PTPRC: variants seen among roughly 807,000 people sequenced by gnomAD.
PTPRC encodes the protein receptor-type tyrosine-protein phosphatase C.
Under a neutral mutation model 155.9 loss-of-function variants are expected in PTPRC, and 44 were observed. That is an observed-to-expected ratio of 0.28 (90% CI 0.22 to 0.36). PTPRC has a LOEUF of 0.36. Among genes scored for constraint, PTPRC ranks in the 10% least tolerant of loss-of-function variants. The pLI is 1.00. For missense variants in PTPRC, 1,401 were observed against 1,564.6 expected (o/e 0.90, Z 1.76); for synonymous variants, 525 against 533.1 (o/e 0.98, Z 0.21).
intron 2 of PTPRC, among the ~76,000 whole-genome samples, chr1:198,678,564 T>A (rs1363053845): frequency 6.6e-6 from 1 of 152,096 alleles, no homozygotes; most frequent in Non-Finnish European, 1.5e-5. Flanking sequence ...CAGGATTGCT[T>A]TTTAAAGGCA....
At chr1:198,734,497 A>AT in intron 22 of PTPRC, 72 bp downstream of exon 22, 3 of 1,253,274 alleles carry the variant, frequency 2.4e-6, no homozygotes, top group Non-Finnish European at 3.5e-6. Context: ...CATTTTGAAA[A>AT]GCCACATGTA....
At chr1:198,695,010 C>T (rs928797689) in intron 3 of PTPRC, 1 of 955,628 alleles carries the variant, frequency 1.0e-6, no homozygotes, top group Non-Finnish European at 1.2e-6. Context: ...TAGAAAATAA[C>T]ACACATAACA....
At chr1:198,723,663 A>G (rs1653996576) in intron 15 of PTPRC, among the ~76,000 whole-genome samples, 2 of 152,190 alleles carry the variant, frequency 1.3e-5, no homozygotes, top group Admixed American at 1.3e-4. Flanking sequence ...CTCACATCTT[A>G]ATAGGCCAGA....
rs537314817 is a variant in PTPRC, at chr1:198,726,536, G to T, written c.1721-1804G>T. ...GGATAATTTAATCTATTTGCCCTAT[G>T]AGTCAAAGAAATGACAGAGCCTGAA... On this transcript the variant is annotated intron_variant, in intron 15 of 32. Coordinates refer to ENST00000442510, the MANE Select transcript of PTPRC (RefSeq NM_002838.5). Among the ~76,000 whole-genome samples the T allele has an allele frequency of 4.6e-5, 7 of 152,218 alleles. No individual in the cohort carries two copies. In the East Asian group the frequency reaches 1.2e-3, roughly 25 times the overall value.
intron 2 of PTPRC, among the ~76,000 whole-genome samples, chr1:198,680,220 G>A (rs1340090340): frequency 6.6e-6 from 1 of 152,216 alleles, no homozygotes; most frequent in African/African-American, 2.4e-5. Context: ...TTGGGAGGCC[G>A]AGGCAGGCGG....
At chr1:198,749,640 G>T (rs1337310630) in intron 28 of PTPRC, 91 bp downstream of exon 28, 1 of 1,280,516 alleles carries the variant, frequency 7.8e-7, no homozygotes, top group Non-Finnish European at 1.1e-6. Flanking sequence ...TTTTATAAAA[G>T]AATAATGAGC....
rs79291023 is a variant in PTPRC at position 198,708,866 on chromosome 1, C to T, written c.1033+605C>T. 7.1e-3 allele frequency among the ~76,000 whole-genome samples: 1,075 copies of T among 152,298 alleles called. 13 individuals carry two copies. Among genetic ancestry groups the T allele is most frequent in the African/African-American group, 0.019 (783 of 41,564 alleles). On this transcript the variant is annotated intron_variant, in intron 10 of 32. Transcript: ENST00000442510. The stretch of plus-strand genomic sequence containing the variant: ...ACTCTCCCACCCTTTGACTTAAAGC[C>T]ATCTGCCAGGCCATAGCTGGCATGA...
At position 198,742,243 on chromosome 1, in the gene PTPRC, G is replaced by T; in HGVS notation, c.2573G>T (p.Gly858Val). 1 of 1,612,094 alleles carries T rather than the reference G, an allele frequency of 6.2e-7. No individual in the cohort carries two copies. The highest frequency in any genetic ancestry group is 8.5e-7 in the Non-Finnish European group (1 of 1,178,810). ...PIVVHCSAGV[G>V]RTGTYIGIDA... ...GCTTGGTTTGCCAGTGCTGGTGTTG[G>T]GCGCACAGGAACCTATATCGGAATT... Residue 858 changes from glycine (G) to valine (V), a missense_variant, in exon 25 of 33, where the codon GGG becomes GTG. Gly to Val is a moderately radical substitution (Grantham distance 109, BLOSUM62 -3). This residue lies in a region of PTPRC where 134 missense variants were observed against 204.7 expected (regional missense o/e 0.65). Transcript: ENST00000442510.
intron 23 of PTPRC, among the ~76,000 whole-genome samples, chr1:198,737,396 A>T (rs949950502): frequency 1.3e-5 from 2 of 151,616 alleles, no homozygotes; most frequent in African/African-American, 4.8e-5. Flanking sequence ...CTTTAGTTTC[A>T]TTCTTCCACA....
At chr1:198,719,526 CAT>C (rs1653774389) in intron 14 of PTPRC, among the ~76,000 whole-genome samples, 1 of 151,946 alleles carries the variant, frequency 6.6e-6, no homozygotes, top group Non-Finnish European at 1.5e-5. Context: ...TAGAAATTTC[CAT>C]AGTTAATTTT....
intron 28 of PTPRC, 138 bp from the exon 29 acceptor site, chr1:198,750,354 G>A: frequency 1.1e-6 from 1 of 895,036 alleles, no homozygotes; most frequent in Non-Finnish European, 1.8e-6. Context: ...ATTGTTTCTT[G>A]TAAGAAACAT....
intron 17 of PTPRC, among the ~76,000 whole-genome samples, chr1:198,730,709 T>G (rs1180981743): frequency 6.6e-6 from 1 of 152,132 alleles, no homozygotes; most frequent in African/African-American, 2.4e-5. Flanking sequence ...TCAGACCCCA[T>G]GAAACCCTGA....
At chr1:198,692,467 A>G in intron 3 of PTPRC, 94 bp downstream of exon 3, 1 of 1,164,798 alleles carries the variant, frequency 8.6e-7, no homozygotes, top group East Asian at 3.0e-5. Context: ...CACTGAAATT[A>G]TTTTTAAGGA....
At chr1:198,689,587 C>T (rs187730309) in intron 2 of PTPRC, among the ~76,000 whole-genome samples, 21 of 152,190 alleles carry the variant, frequency 1.4e-4, no homozygotes, top group African/African-American at 4.6e-4. Context: ...CAATGGCTTC[C>T]GTCATTCTGA....
intron 2 of PTPRC, chr1:198,657,580 C>CT (rs1334338762): frequency 2.6e-5 from 4 of 152,138 alleles, no homozygotes; most frequent in African/African-American, 9.7e-5. Context: ...ACTTCTCTTG[C>CT]TGCTTTTGGG....
intron 2 of PTPRC, among the ~76,000 whole-genome samples, chr1:198,689,095 C>A (rs1486182502): frequency 6.6e-6 from 1 of 152,102 alleles, no homozygotes; most frequent in African/African-American, 2.4e-5. Context: ...AAAAGTAAAT[C>A]ATTAGAAACA....
intron 2 of PTPRC, among the ~76,000 whole-genome samples, chr1:198,647,714 TAA>T (rs1663014583): frequency 6.6e-6 from 1 of 151,912 alleles, no homozygotes; most frequent in African/African-American, 2.4e-5. Context: ...TCTCAGGATC[TAA>T]AAACTTTTTG....
chr1:198,728,237 A>T, intron 15 of PTPRC, 103 bp from the exon 16 acceptor site: 1 of 856,578 alleles, frequency 1.2e-6, no homozygotes, highest in Admixed American at 2.8e-5. Flanking sequence ...CCTCACAATA[A>T]ATTTAAAAAT....
chr1:198,694,900 T>A, intron 3 of PTPRC: 1 of 969,578 alleles, frequency 1.0e-6, no homozygotes, highest in Non-Finnish European at 1.2e-6. Flanking sequence ...CCTATTACTG[T>A]ACTTAGTTGG....
Sources: allele counts gnomAD v4.1 joint callset (sites outside exome capture counted in the v4.1 genomes callset), GRCh38; gene constraint gnomAD v4.1.1; regional missense constraint gnomAD v4.1.1; transcripts MANE v1.5; gene names NCBI Gene and HGNC (gene_info 2026-07-23, HGNC 2026-07-21).